SCLT1: variants seen among roughly 807,000 people sequenced by gnomAD.
The protein encoded by SCLT1 is sodium channel and clathrin linker 1.
A neutral mutation model predicts 112.8 loss-of-function variants in SCLT1; 78 were observed. That is an observed-to-expected ratio of 0.69 (90% CI 0.58 to 0.83). The LOEUF is 0.83. SCLT1 is among the 40% of genes least tolerant of loss of function. The pLI, the probability that SCLT1 is intolerant of heterozygous loss-of-function variation, is 0.00. For synonymous variants in SCLT1, 257 were observed against 254.7 expected, an observed-to-expected ratio of 1.01 and a Z score of -0.09; for missense variants, 747 against 770.4, an observed-to-expected ratio of 0.97 and a Z score of 0.36.
chr4:128,952,834 T>C lies in SCLT1; in HGVS notation c.1153A>G (p.Asn385Asp), dbSNP rs1347561143. 3 of 1,518,314 alleles carry C rather than the reference T, an allele frequency of 2.0e-6. No individual in the cohort carries two copies. The highest frequency in any genetic ancestry group is 2.7e-6 in the Non-Finnish European group (3 of 1,093,196). 94.1% of individuals were successfully genotyped at this position (1,518,314 alleles called of 1,614,324 possible). Reference protein sequence around the residue: ...ATIRTKKEVANTKKQCNIQIS... With the variant: ...ATIRTKKEVADTKKQCNIQIS... ...TGTATATTACATTGTTTTTTGGTGTTTGCAACCTGTAAATTAAGACATTTA... is the reference window on the plus strand; with the variant it reads ...TGTATATTACATTGTTTTTTGGTGTCTGCAACCTGTAAATTAAGACATTTA... Residue 385 changes from asparagine to aspartate, a missense_variant, in exon 14 of 21, where the codon AAC becomes GAC. Transcript: ENST00000281142.
chr4:129,007,160 T>C (rs1350431684), intron 5 of SCLT1, among the ~76,000 whole-genome samples: 1 of 152,174 alleles, frequency 6.6e-6, no homozygotes, highest in Non-Finnish European at 1.5e-5. Context: ...GCTTTTTTTT[T>C]GAGTTGGTCA....
chr4:129,063,376 G>A (rs1287638599), intron 2 of SCLT1, among the ~76,000 whole-genome samples: 1 of 152,188 alleles, frequency 6.6e-6, no homozygotes, highest in Admixed American at 6.5e-5. Flanking sequence ...TACCGTTTAG[G>A]GAGAATTCCT....
chr4:129,085,371 C>T (rs1752302480), intron 1 of SCLT1, among the ~76,000 whole-genome samples: 1 of 152,148 alleles, frequency 6.6e-6, no homozygotes, highest in Admixed American at 6.5e-5. Flanking sequence ...ATAACAGATG[C>T]TGGTGAAGTT....
intron 18 of SCLT1, among the ~76,000 whole-genome samples, chr4:128,914,209 C>G (rs1434218910): frequency 1.3e-5 from 2 of 151,732 alleles, no homozygotes; most frequent in Non-Finnish European, 2.9e-5. Context: ...ACTAAAAATA[C>G]AAAAAAATTA....
rs375430672 is a variant in SCLT1, at chr4:128,999,788, T to A, written c.433A>T (p.Thr145Ser). The A allele has an allele frequency of 2.7e-5, 43 of 1,594,810 alleles. No individual in the cohort carries two copies. Among genetic ancestry groups the A allele is most frequent in the Non-Finnish European group, 3.6e-5 (42 of 1,171,450 alleles). ...EQLQLANQEK[T>S]QAVELWQTVS... Reference sequence around the variant, plus strand: ...GTCTGCCAGAGTTCCACAGCCTGAGTTTTTTCCTATTAAAAAAGTTTGATA... The same window carrying A: ...GTCTGCCAGAGTTCCACAGCCTGAGATTTTTCCTATTAAAAAAGTTTGATA... The change falls in exon 7 of 21, where the codon ACT becomes TCT. Residue 145 changes from threonine to serine, a missense_variant. Around this residue, in one of 2 missense-constraint regions of SCLT1, gnomAD observed 723 missense variants for 721.3 expected, o/e 1.00. Transcript: ENST00000281142.
chr4:128,950,622 A>G (rs766050520), intron 14 of SCLT1, among the ~76,000 whole-genome samples: 2 of 152,146 alleles, frequency 1.3e-5, no homozygotes, highest in Admixed American at 1.3e-4. Flanking sequence ...AGAAGTCTCA[A>G]TACATATTAA....
chr4:128,931,439 TA>T (rs1736753945), intron 18 of SCLT1, among the ~76,000 whole-genome samples: 1 of 152,256 alleles, frequency 6.6e-6, no homozygotes, highest in African/African-American at 2.4e-5. Context: ...TATTTCATTA[TA>T]TAAACATTTG....
At chr4:128,953,319 G>A (rs980026555) in intron 13 of SCLT1, among the ~76,000 whole-genome samples, 12 of 152,284 alleles carry the variant, frequency 7.9e-5, no homozygotes, top group African/African-American at 2.9e-4. Flanking sequence ...ATGTCTGGCT[G>A]AATAGAAGCT....
At chr4:128,966,132 A>ATTTT (rs756291868) in intron 10 of SCLT1, among the ~76,000 whole-genome samples, 1 of 130,678 alleles carries the variant, frequency 7.7e-6, no homozygotes, top group African/African-American at 2.9e-5. Context: ...GCTTGGCCAA[A>ATTTT]TTTTTTTTTT....
At chr4:128,887,413 AT>A (rs1298481332) in intron 20 of SCLT1, among the ~76,000 whole-genome samples, 1 of 152,182 alleles carries the variant, frequency 6.6e-6, no homozygotes, top group Non-Finnish European at 1.5e-5. Context: ...ATTCAAAAAA[AT>A]CTGTAAATAT....
chr4:128,962,442 C>A (rs938243330), intron 11 of SCLT1, among the ~76,000 whole-genome samples: 1 of 152,022 alleles, frequency 6.6e-6, no homozygotes, highest in South Asian at 2.1e-4. Flanking sequence ...TAAGAACAGA[C>A]GTTAATTGTA....
Position 129,023,189 on chromosome 4 carries a change from AAC to A in SCLT1, c.290+15850_290+15851del, listed in dbSNP as rs372206423. The stretch of plus-strand genomic sequence containing the variant: ...AAAAACCAGTACCAGCCACTGCAAA[AAC>A]ACAATAAAATATAAAGACCAATGAC... On this transcript the variant is annotated intron_variant, in intron 5 of 20. Coordinates refer to ENST00000281142, the MANE Select transcript of SCLT1 (RefSeq NM_144643.4). 3.0e-4 allele frequency among the ~76,000 whole-genome samples: 46 copies of A among 152,314 alleles called. No homozygotes were observed. In the East Asian group the frequency reaches 8.1e-3, roughly 27 times the overall value.
At chr4:128,882,628 G>A (rs1441641848), downstream of SCLT1, among the ~76,000 whole-genome samples, 1 of 152,184 alleles carries the variant, frequency 6.6e-6, no homozygotes, top group Non-Finnish European at 1.5e-5. Context: ...TAAAATGAAT[G>A]ACAGTACATG....
At chr4:128,911,546 C>T (rs1473654182) in intron 18 of SCLT1, among the ~76,000 whole-genome samples, 1 of 152,006 alleles carries the variant, frequency 6.6e-6, no homozygotes, top group Non-Finnish European at 1.5e-5. Context: ...GCTTCTGATC[C>T]TAAGTTCTCC....
chr4:129,044,064 G>T lies in SCLT1; in HGVS notation c.103-13C>A. The T allele has an allele frequency of 1.4e-6, 2 of 1,474,746 alleles. No homozygotes were observed. Among genetic ancestry groups the T allele is most frequent in the Non-Finnish European group, 1.9e-6 (2 of 1,064,298 alleles). The allele number at this position is 1,474,746 out of a possible 1,614,324, so 91.4% of individuals were successfully genotyped here. ...GGCAGACAGCTTTCTATAAAAGAAT[G>T]TACATCTTAAAATGTGTTCTCACAT... On this transcript the variant is annotated splice_polypyrimidine_tract_variant and intron_variant, in intron 2 of 20. Coordinates refer to ENST00000281142, the MANE Select transcript of SCLT1 (RefSeq NM_144643.4).
rs541857052 is a variant in SCLT1, at chr4:128,994,583, ACT to A, written c.616-2348_616-2347del. ...GTTATATTTTTATTTTTTTGAGGAA[ACT>A]CTATACTGTGTTCCATGGCAGATGC... On this transcript the variant is annotated intron_variant, in intron 8 of 20. Coordinates refer to ENST00000281142, the MANE Select transcript of SCLT1 (RefSeq NM_144643.4). 8.3e-4 allele frequency among the ~76,000 whole-genome samples: 126 copies of A among 151,906 alleles called. 2 individuals are homozygous for A. Among genetic ancestry groups the A allele is most frequent in the African/African-American group, 3.0e-3 (123 of 41,448 alleles).
chr4:128,948,335 CAAAAAAAAAAAAAAA>C, intron 15 of SCLT1, among the ~76,000 whole-genome samples, 146 bp downstream of exon 15: 1 of 47,968 alleles, frequency 2.1e-5, no homozygotes, highest in Admixed American at 2.8e-4. Context: ...GACTCCATTG[CAAAAAAAAAAAAAAA>C]AAAAAAAAAG....
chr4:128,997,302 G>A (rs1743094839), intron 8 of SCLT1: 1 of 151,896 alleles, frequency 6.6e-6, no homozygotes, highest in African/African-American at 2.4e-5. Context: ...GGGAAAGAGA[G>A]AGGAATTACC....
At chr4:128,907,446 G>C (rs10857133) in intron 18 of SCLT1, among the ~76,000 whole-genome samples, 28,321 of 152,062 alleles carry the variant, frequency 0.19, 2,856 homozygotes, top group Middle Eastern at 0.29. Context: ...TGGGGTTTGG[G>C]TTATGAGGAG....
Sources: gnomAD v4.1 joint callset for allele counts (sites outside exome capture counted in the v4.1 genomes callset) on GRCh38, gnomAD v4.1.1 for gene constraint, gnomAD v4.1.1 regional missense constraint, MANE v1.5 for transcripts, NCBI Gene and HGNC (gene_info 2026-07-23, HGNC 2026-07-21) for gene names.